TRAF7: variants seen among roughly 807,000 people sequenced by gnomAD.
The protein encoded by TRAF7 is TNF receptor associated factor 7, also known as E3 ubiquitin-protein ligase TRAF7.
A neutral mutation model predicts 89.3 loss-of-function variants in TRAF7; 45 were observed. The observed-to-expected ratio is 0.50, with a 90% CI of 0.40 to 0.65. The LOEUF (loss-of-function observed/expected upper bound fraction) is 0.65, where lower values mean the gene tolerates loss of function less well. Among genes scored for constraint, TRAF7 ranks in the 30% least tolerant of loss-of-function variants. The probability of loss-of-function intolerance (pLI) is 0.00; values close to 1 mark genes in which losing one functional copy is unlikely to be tolerated. For synonymous variants in TRAF7, 406 were observed against 369.2 expected, an observed-to-expected ratio of 1.10 and a Z score of -1.14; for missense variants, 677 against 918.1, an observed-to-expected ratio of 0.74 and a Z score of 3.39.
intron 4 of TRAF7, among the ~76,000 whole-genome samples, chr16:2,169,354 T>C (rs528782551): frequency 8.6e-4 from 131 of 152,064 alleles, no homozygotes; most frequent in Admixed American, 3.9e-3. Flanking sequence ...CGAGGGCGAG[T>C]TGGGTATGTC....
At chr16:2,170,345 G>T (rs998555890) in intron 4 of TRAF7, among the ~76,000 whole-genome samples, 2 of 152,260 alleles carry the variant, frequency 1.3e-5, no homozygotes, top group Non-Finnish European at 2.9e-5. Flanking sequence ...ATAGCAGGAA[G>T]TCTCTCCATT....
intron 3 of TRAF7, 51 bp downstream of exon 3, chr16:2,165,987 C>A (rs1453363703): frequency 1.2e-6 from 2 of 1,606,088 alleles, no homozygotes; most frequent in Admixed American, 1.7e-5. Context: ...CGGGGCACCC[C>A]CATGCCCACC....
chr16:2,163,421 G>A lies in TRAF7; in HGVS notation c.-38-462G>A, dbSNP rs1240151030. The A allele has an allele frequency of 1.4e-4, 25 of 179,082 alleles. No individual in the cohort carries two copies. The highest frequency in any genetic ancestry group is 1.2e-5 in the Non-Finnish European group (1 of 82,706). The allele number at this position is 179,082 out of a possible 1,614,324, so 11.1% of individuals were successfully genotyped here. ...GCTGGGTCCTGACCGCACCTGTCGTGGCAGGAAACACATTCGTCGTGCCTT... is the reference window on the plus strand; with the variant it reads ...GCTGGGTCCTGACCGCACCTGTCGTAGCAGGAAACACATTCGTCGTGCCTT... On this transcript the variant is annotated intron_variant, in intron 1 of 20. Transcript: ENST00000326181. The surrounding 1 kb of genome is among the most constrained non-coding windows in gnomAD (Gnocchi z 4.3).
chr16:2,173,483 G>A lies in TRAF7; in HGVS notation c.1015G>A (p.Val339Ile), dbSNP rs144751745. The A allele has an allele frequency of 1.8e-5, 29 of 1,613,344 alleles. No homozygotes were observed. Among genetic ancestry groups the A allele is most frequent in the Admixed American group, 3.3e-5 (2 of 60,016 alleles). Reference protein sequence around the residue: ...LEKSLELKFDVLDENQSKLSE... With the variant: ...LEKSLELKFDILDENQSKLSE... ...CCCCCTCTCCTCCTGCTACTCAGAC[G>A]TCCTGGACGAAAACCAGAGCAAGCT... is the stretch of plus-strand genomic sequence containing the variant. Residue 339 changes from valine to isoleucine, a missense_variant and splice_region_variant, in exon 11 of 21, where the codon GTC (valine) becomes ATC (isoleucine). Coordinates refer to ENST00000326181, the MANE Select transcript of TRAF7 (RefSeq NM_032271.3).
Position 2,161,695 on chromosome 16 carries a change from C to G in TRAF7, c.-38-2188C>G, listed in dbSNP as rs191553984. 6.6e-6 allele frequency among the ~76,000 whole-genome samples: 1 copy of G among 152,340 alleles called. No homozygotes were observed. The highest frequency in any genetic ancestry group is 1.5e-5 in the Non-Finnish European group (1 of 68,020). The stretch of plus-strand genomic sequence containing the variant: ...CCTGGGGCTCCCAAAAGGGCTGAAC[C>G]TCCTGTGCCGAGTCATGGCGCCCTG... On this transcript the variant is annotated intron_variant, in intron 1 of 20. Transcript: ENST00000326181. The surrounding 1 kb of genome is among the most constrained non-coding windows in gnomAD (Gnocchi z 5.2).
chr16:2,173,859 T>TGGGGGCGCCCCC, intron 12 of TRAF7, 23 bp downstream of exon 12: 1 of 1,246,258 alleles, frequency 8.0e-7, no homozygotes, highest in Non-Finnish European at 1.1e-6. Flanking sequence ...CCGCCGTGGC[T>TGGGGGCGCCCCC]CCCGCCCACC....
In TRAF7 at chr16:2,175,346, C is replaced by T. The variant is rs201904294; in HGVS notation, c.1432C>T (p.His478Tyr). ...GCAGAAGGTGAACACCATCCGGGCC[C>T]ATGACAACCCGGTGTGCACGCTGGT... Reference protein sequence around the residue: ...NLQKVNTIRAHDNPVCTLVSS... With the variant: ...NLQKVNTIRAYDNPVCTLVSS... Residue 478 changes from histidine to tyrosine, a missense_variant, in exon 16 of 21, where the codon CAT (histidine) becomes TAT (tyrosine). His to Tyr is a moderately conservative substitution (Grantham distance 83, BLOSUM62 2). This residue lies in a region of TRAF7 where 160 missense variants were observed against 263.7 expected (regional missense o/e 0.61). Coordinates refer to ENST00000326181, the MANE Select transcript of TRAF7 (RefSeq NM_032271.3). The T allele has an allele frequency of 5.5e-5, 89 of 1,613,590 alleles. No homozygotes were observed. The highest frequency in any genetic ancestry group is 1.3e-4 in the East Asian group (6 of 44,884).
rs768713660 is a variant in TRAF7 at position 2,172,466 on chromosome 16, G to A, written c.661G>A (p.Asp221Asn). Residue 221 changes from aspartate to asparagine, a missense_variant and splice_region_variant, in exon 9 of 21, where the codon GAC becomes AAC. Physicochemically the swap from Asp to Asn is conservative, Grantham distance 23. This residue lies in a region of TRAF7 where 238 missense variants were observed against 352.6 expected (regional missense o/e 0.67). Transcript: ENST00000326181. ...TCCCCGCATCCCGCCCTGGCACAGG[G>A]ACCACGAGGGCAGCTGTGACTACAG... ...PFTIKLSARK[D>N]HEGSCDYRPV... 2 of 1,610,394 alleles carry A rather than the reference G, an allele frequency of 1.2e-6. No homozygotes were observed. The highest frequency in any genetic ancestry group is 2.7e-5 in the African/African-American group (2 of 75,022).
intron 19 of TRAF7, 38 bp from the exon 20 acceptor site, chr16:2,176,227 T>G (rs1383256894): frequency 6.2e-7 from 1 of 1,600,598 alleles, no homozygotes; most frequent in Non-Finnish European, 8.5e-7. Context: ...GGCTGGCAGC[T>G]GAGCTCCGGC....
rs1471950337 is a variant in TRAF7 at position 2,163,815 on chromosome 16, G to A, written c.-38-68G>A. 2 of 1,054,610 alleles carry A rather than the reference G, an allele frequency of 1.9e-6. No individual in the cohort carries two copies. The highest frequency in any genetic ancestry group is 2.0e-5 in the Admixed American group (1 of 50,334). The allele number at this position is 1,054,610 out of a possible 1,614,324, so 65.3% of individuals were successfully genotyped here. A position where few individuals can be genotyped will look rare whatever the true frequency, so the allele number is the denominator to read the frequency against. ...CCCACAGCAGGTCTGCACACTTGCA[G>A]CAGCCCGTCTGACTCACAGGGGCCT... On this transcript the variant is annotated intron_variant, in intron 1 of 20. Transcript: ENST00000326181. The surrounding 1 kb of genome is among the most constrained non-coding windows in gnomAD (Gnocchi z 4.3).
At chr16:2,164,163 CGCGCGCGCGCGCGCGCGCACGCGT>C (rs1476836795) in intron 2 of TRAF7, among the ~76,000 whole-genome samples, 162 bp downstream of exon 2, 10 of 87,368 alleles carry the variant, frequency 1.1e-4, no homozygotes, top group Non-Finnish European at 1.8e-4. Context: ...TGTGTGTGCG[CGCGCGCGCGCGCGCGCGCACGCGT>C]GCGTGTGTGG....
At chr16:2,173,446 G>C (rs767711382) in intron 10 of TRAF7, 35 bp from the exon 11 acceptor site, 2 of 1,612,710 alleles carry the variant, frequency 1.2e-6, no homozygotes, top group Non-Finnish European at 1.7e-6. Context: ...ACTGCTCCGG[G>C]CACCAGTGAC....
chr16:2,169,709 C>G (rs914800242), intron 4 of TRAF7, among the ~76,000 whole-genome samples: 1 of 152,246 alleles, frequency 6.6e-6, no homozygotes, highest in African/African-American at 2.4e-5. Context: ...GACTCACTTT[C>G]TCTGACTCCC....
intron 13 of TRAF7, 73 bp downstream of exon 13, chr16:2,174,121 C>T: frequency 6.2e-7 from 1 of 1,605,784 alleles, no homozygotes. Flanking sequence ...CACTGCCAGC[C>T]TGCCTATGGG....
At chr16:2,165,380 T>G (rs1274708432) in intron 2 of TRAF7, among the ~76,000 whole-genome samples, 1 of 139,532 alleles carries the variant, frequency 7.2e-6, no homozygotes, top group Non-Finnish European at 1.5e-5. Context: ...CGCGGCCTGG[T>G]CGCATGGTTA....
At chr16:2,171,946 C>T (rs868341027) in intron 7 of TRAF7, among the ~76,000 whole-genome samples, 7 of 152,318 alleles carry the variant, frequency 4.6e-5, no homozygotes, top group South Asian at 4.1e-4. Context: ...CCTGCCTCTC[C>T]GCACTCTGCC....
intron 9 of TRAF7, 37 bp from the exon 10 acceptor site, chr16:2,173,145 G>A: frequency 6.3e-7 from 1 of 1,582,226 alleles, no homozygotes; most frequent in Non-Finnish European, 8.6e-7. Flanking sequence ...GGCACCGGCA[G>A]GGACCCGCCA....
chr16:2,172,695 C>T (rs2093117910), intron 9 of TRAF7, 96 bp downstream of exon 9: 3 of 1,400,272 alleles, frequency 2.1e-6, no homozygotes, highest in Admixed American at 2.2e-5. Flanking sequence ...GGGAGGTAGG[C>T]CGGAGCTGGG....
At position 2,160,791 on chromosome 16, in the gene TRAF7, C is replaced by T. The variant is rs2093055381; in HGVS notation, c.-38-3092C>T. Among the ~76,000 whole-genome samples, 3 of 152,118 alleles carry T rather than the reference C, an allele frequency of 2.0e-5. No individual in the cohort carries two copies. In the South Asian group the frequency reaches 6.2e-4, roughly 31 times the overall value. On this transcript the variant is annotated intron_variant, in intron 1 of 20. Transcript: ENST00000326181. ...AATTCTCACTCCGGTTGACAACTTC[C>T]TGCCCGGCCACCCCCCAGCCTCGAT...
Sources: allele counts gnomAD v4.1 joint callset (sites outside exome capture counted in the v4.1 genomes callset), GRCh38; gene constraint gnomAD v4.1.1; regional missense constraint gnomAD v4.1.1; non-coding constraint Gnocchi (gnomAD v3.1); transcripts MANE v1.5; gene names NCBI Gene and HGNC (gene_info 2026-07-23, HGNC 2026-07-21).